SPATA16: variants seen among roughly 807,000 people sequenced by gnomAD.
SPATA16 encodes the protein spermatogenesis associated 16, also known as spermatogenesis-associated protein 16.
In SPATA16, 36 loss-of-function variants were observed where a neutral mutation model predicts 63.3. That is an observed-to-expected ratio of 0.57 (90% CI 0.44 to 0.75). The LOEUF (loss-of-function observed/expected upper bound fraction) is 0.75, where lower values mean the gene tolerates loss of function less well. Among genes scored for constraint, SPATA16 ranks in the 30% least tolerant of loss-of-function variants. SPATA16 has a pLI of 0.00. For missense variants in SPATA16, 646 were observed against 679.3 expected (o/e 0.95, Z 0.54); for synonymous variants, 203 against 216.7 (o/e 0.94, Z 0.56).
intron 2 of SPATA16, among the ~76,000 whole-genome samples, chr3:173,076,153 G>T (rs945377475): frequency 2.0e-5 from 3 of 151,918 alleles, no homozygotes; most frequent in African/African-American, 7.2e-5. Context: ...AACTAGTATG[G>T]TGTATTTCTA....
chr3:173,139,644 A>C (rs77712505), intron 1 of SPATA16, among the ~76,000 whole-genome samples: 60 of 152,374 alleles, frequency 3.9e-4, no homozygotes, highest in African/African-American at 1.4e-3. Context: ...CACAACATGC[A>C]GTGAAATTCT....
chr3:172,925,233 A>T, intron 7 of SPATA16, 113 bp downstream of exon 7: 1 of 1,210,200 alleles, frequency 8.3e-7, no homozygotes, highest in Non-Finnish European at 1.2e-6. Context: ...AGGTATTGTT[A>T]ACTAACCCAC....
rs144747106 is a variant in SPATA16 at position 172,951,497 on chromosome 3, A to T, written c.1081+5180T>A. ...ATGCGATTGGCTTATTTGATAATTTAAAAAAAAAAAAATTTAAACCTAAAT... is the reference window on the plus strand; with the variant it reads ...ATGCGATTGGCTTATTTGATAATTTTAAAAAAAAAAAATTTAAACCTAAAT... On this transcript the variant is annotated intron_variant, in intron 6 of 10. Transcript: ENST00000351008. Among the ~76,000 whole-genome samples, 175 of 121,784 alleles carry T rather than the reference A, an allele frequency of 1.4e-3. 1 individual carries two copies. Among genetic ancestry groups the T allele is most frequent in the African/African-American group, 9.3e-3 (156 of 16,758 alleles). The allele number at this position is 121,784 out of a possible 152,430, so 79.9% of individuals were successfully genotyped here. A position where few individuals can be genotyped will look rare whatever the true frequency, so the allele number is the denominator to read the frequency against.
intron 3 of SPATA16, among the ~76,000 whole-genome samples, chr3:173,043,399 T>C (rs1296409974): frequency 6.6e-6 from 1 of 152,028 alleles, no homozygotes; most frequent in African/African-American, 2.4e-5. Context: ...TAAAAAAGCC[T>C]TACTATAGTA....
At chr3:173,090,822 C>A (rs763354551) in intron 2 of SPATA16, among the ~76,000 whole-genome samples, 52 of 152,136 alleles carry the variant, frequency 3.4e-4, no homozygotes, top group Non-Finnish European at 5.4e-4. Context: ...AGAGACGGTG[C>A]TTTACTTCAG....
chr3:172,954,103 G>A (rs960357709), intron 6 of SPATA16, among the ~76,000 whole-genome samples: 1 of 152,204 alleles, frequency 6.6e-6, no homozygotes, highest in Non-Finnish European at 1.5e-5. Flanking sequence ...ATAATAGGAA[G>A]ATGCATTAGT....
chr3:173,072,327 A>G (rs1189421025), intron 2 of SPATA16, among the ~76,000 whole-genome samples: 1 of 152,176 alleles, frequency 6.6e-6, no homozygotes, highest in Non-Finnish European at 1.5e-5. Flanking sequence ...AAAACCAAAT[A>G]CTGCCTGTTC....
intron 5 of SPATA16, among the ~76,000 whole-genome samples, chr3:172,960,190 C>T (rs754362509): frequency 2.3e-4 from 35 of 152,044 alleles, no homozygotes; most frequent in Admixed American, 6.6e-4. Context: ...AAAAAATAAG[C>T]TATACTAAAA....
intron 2 of SPATA16, among the ~76,000 whole-genome samples, chr3:173,114,642 C>T (rs1737845814): frequency 6.6e-6 from 1 of 152,204 alleles, no homozygotes; most frequent in South Asian, 2.1e-4. Context: ...ACTTATTTTG[C>T]AGCCAAACCT....
At chr3:172,896,760 C>T (rs1732018289) in intron 10 of SPATA16, among the ~76,000 whole-genome samples, 1 of 151,614 alleles carries the variant, frequency 6.6e-6, no homozygotes, top group African/African-American at 2.4e-5. Flanking sequence ...AATGTCTGTT[C>T]AAATCTTTGT....
chr3:172,907,899 C>A (rs1732278703), intron 10 of SPATA16, among the ~76,000 whole-genome samples: 1 of 152,132 alleles, frequency 6.6e-6, no homozygotes, highest in African/African-American at 2.4e-5. Context: ...TTTACATGTG[C>A]TATTTTCTTT....
chr3:173,082,713 G>A (rs4312676), intron 2 of SPATA16, among the ~76,000 whole-genome samples: 6 of 151,966 alleles, frequency 3.9e-5, no homozygotes, highest in Admixed American at 3.3e-4. Context: ...CCCTCACCCC[G>A]TGTGCCTCTC....
chr3:172,991,665 A>G (rs1734580561), intron 4 of SPATA16, among the ~76,000 whole-genome samples: 1 of 152,118 alleles, frequency 6.6e-6, no homozygotes, highest in East Asian at 1.9e-4. Flanking sequence ...AAACCAGAAA[A>G]CGGGTTAATA....
At chr3:173,051,363 C>T (rs147613126) in intron 2 of SPATA16, among the ~76,000 whole-genome samples, 4,272 of 152,164 alleles carry the variant, frequency 0.028, 203 homozygotes, top group African/African-American at 0.096. Context: ...CCACCACGCC[C>T]GGCTAATTTT....
chr3:172,925,366 C>T lies in SPATA16; in HGVS notation c.1208G>A (p.Arg403Lys), dbSNP rs1732704558. The T allele has an allele frequency of 6.2e-7, 1 of 1,613,804 alleles. No homozygotes were observed. The highest frequency in any genetic ancestry group is 1.1e-5 in the South Asian group (1 of 91,074). ...DGKFLEKISSRKLPIFTEHKT... is the reference protein window; with the variant it reads ...DGKFLEKISSKKLPIFTEHKT... ...TTTACCTGTGAATATCGGCAGCTTCCTGCTTGATATTTTTTCCAAAAATTT... is the reference window on the plus strand; with the variant it reads ...TTTACCTGTGAATATCGGCAGCTTCTTGCTTGATATTTTTTCCAAAAATTT... Residue 403 changes from arginine (R) to lysine (K), a missense_variant, in exon 7 of 11, where the codon AGG becomes AAG. Arg to Lys is a conservative substitution (Grantham distance 26, BLOSUM62 2). Transcript: ENST00000351008.
intron 2 of SPATA16, among the ~76,000 whole-genome samples, chr3:173,116,675 G>C (rs1163521309): frequency 6.6e-6 from 1 of 152,162 alleles, no homozygotes; most frequent in East Asian, 1.9e-4. Flanking sequence ...ATGCTAAAAA[G>C]TAAAGATGGT....
chr3:172,992,384 G>A (rs1345893296), intron 4 of SPATA16, among the ~76,000 whole-genome samples: 2 of 152,040 alleles, frequency 1.3e-5, no homozygotes, highest in East Asian at 3.9e-4. Context: ...GTTTTTTTGG[G>A]GGGAGTGAAG....
intron 4 of SPATA16, among the ~76,000 whole-genome samples, chr3:172,991,663 A>G (rs1734580499): frequency 6.6e-6 from 1 of 152,174 alleles, no homozygotes; most frequent in Non-Finnish European, 1.5e-5. Flanking sequence ...TTAAACCAGA[A>G]AACGGGTTAA....
intron 1 of SPATA16, among the ~76,000 whole-genome samples, chr3:173,120,438 A>G (rs1011658529): frequency 6.6e-6 from 1 of 152,166 alleles, no homozygotes; most frequent in African/African-American, 2.4e-5. Context: ...AAATATAAAC[A>G]GGCAACATCG....
Sources: allele counts gnomAD v4.1 joint callset (sites outside exome capture counted in the v4.1 genomes callset), GRCh38; gene constraint gnomAD v4.1.1; transcripts MANE v1.5; gene names NCBI Gene and HGNC (gene_info 2026-07-23, HGNC 2026-07-21).